SPIC: variants seen among roughly 807,000 people sequenced by gnomAD.
SPIC encodes the protein transcription factor Spi-C.
In SPIC, 9 loss-of-function variants were observed where a neutral mutation model predicts 16.7. The ratio of observed to expected loss-of-function variants is 0.54; its 90% confidence interval spans 0.33 to 0.94. The LOEUF (loss-of-function observed/expected upper bound fraction) is 0.94. SPIC is among the 40% of genes least tolerant of loss of function. The pLI is 0.03. For missense variants in SPIC, 241 were observed against 285.8 expected (o/e 0.84, Z 1.13); for synonymous variants, 97 against 102.9 (o/e 0.94, Z 0.35).
chr12:101,480,926 A>C (rs988818779), intron 4 of SPIC, among the ~76,000 whole-genome samples: 4 of 152,196 alleles, frequency 2.6e-5, no homozygotes, highest in African/African-American at 9.7e-5. Context: ...AAGATGCCCA[A>C]TATTTTGTTT....
intron 3 of SPIC, among the ~76,000 whole-genome samples, 159 bp from the exon 4 acceptor site, chr12:101,479,423 T>C (rs77526450): frequency 0.054 from 8,241 of 152,176 alleles, 262 homozygotes; most frequent in African/African-American, 0.092. Flanking sequence ...GTATCCATAA[T>C]AGCAGCATAA....
At chr12:101,478,033 C>CTTTTTTTTTTTTT (rs71091502) in intron 3 of SPIC, among the ~76,000 whole-genome samples, 2 of 137,714 alleles carry the variant, frequency 1.5e-5, no homozygotes, top group Non-Finnish European at 3.2e-5. Flanking sequence ...TTTCTTTTTT[C>CTTTTTTTTTTTTT]TTTTTTTTTT....
In SPIC at chr12:101,479,222, A is replaced by AAGAAAGAC. The variant is rs1188776253; in HGVS notation, c.98-360_98-359insAGAAAGAC. 1.3e-4 allele frequency among the ~76,000 whole-genome samples: 13 copies of AAGAAAGAC among 97,186 alleles called. 1 individual carries two copies. The highest frequency in any genetic ancestry group is 2.7e-4 in the Non-Finnish European group (12 of 44,630). 63.8% of individuals were successfully genotyped at this position (97,186 alleles called of 152,430 possible). ...AAAGAAAGAAAGAAAGAAAGAAAGAAGGAAAGAAAGAAAGAAAGAAAAAGA... is the reference window on the plus strand; with the variant it reads ...AAAGAAAGAAAGAAAGAAAGAAAGAAAGAAAGACGGAAAGAAAGAAAGAAAGAAAAAGA... On this transcript the variant is annotated intron_variant, in intron 3 of 5. Coordinates refer to ENST00000551346, the MANE Select transcript of SPIC (RefSeq NM_152323.3).
At chr12:101,481,670 T>C (rs1873202817) in intron 4 of SPIC, among the ~76,000 whole-genome samples, 2 of 151,724 alleles carry the variant, frequency 1.3e-5, no homozygotes, top group Non-Finnish European at 1.5e-5. Context: ...CCTGCCACCA[T>C]GCCCAGCTAA....
At chr12:101,477,432 C>T in intron 2 of SPIC, 126 bp from the exon 3 acceptor site, 1 of 848,672 alleles carries the variant, frequency 1.2e-6, no homozygotes, top group Non-Finnish European at 1.9e-6. Flanking sequence ...CAGAGACAGC[C>T]AACACCAAAT....
At chr12:101,476,348 C>T (rs1031329473) in intron 1 of SPIC, among the ~76,000 whole-genome samples, 2 of 152,100 alleles carry the variant, frequency 1.3e-5, no homozygotes, top group African/African-American at 4.8e-5. Flanking sequence ...ATAGTCTTCA[C>T]AGGCTAAATT....
rs1565831269 is a variant in SPIC, at chr12:101,479,278, GA to G, written c.98-301del. 2.7e-4 allele frequency among the ~76,000 whole-genome samples: 16 copies of G among 60,226 alleles called. No individual in the cohort carries two copies. In the South Asian group the frequency reaches 5.4e-3, roughly 20 times the overall value. The allele number at this position is 60,226 out of a possible 152,430, so 39.5% of individuals were successfully genotyped here. On this transcript the variant is annotated intron_variant, in intron 3 of 5. Transcript: ENST00000551346. ...AGAAGGAAGGAAAGAAAGAAAGAAA[GA>G]AAGAAAAAGAAAGAAAGAAAGAAAG...
At chr12:101,479,559 TTC>T (rs761904154) in intron 3 of SPIC, 21 bp from the exon 4 acceptor site, 164 of 1,593,378 alleles carry the variant, frequency 1.0e-4, no homozygotes, top group Non-Finnish European at 1.4e-4. Context: ...CTTTTTTAGT[TTC>T]TTTCTCTGAT....
Position 101,486,991 on chromosome 12 carries a change from T to A in SPIC, c.*220T>A, listed in dbSNP as rs1460187319. The A allele has an allele frequency of 1.8e-5, 6 of 333,154 alleles. No individual in the cohort carries two copies. In the South Asian group the frequency reaches 4.7e-4, roughly 26 times the overall value. The allele number at this position is 333,154 out of a possible 1,614,324, so 20.6% of individuals were successfully genotyped here. ...AAATTCTGCCAATGAACAACTTTTT[T>A]ATAATACTTTGTGAAGATTCAATGA... On this transcript the variant is annotated 3_prime_UTR_variant, in exon 6 of 6. Transcript: ENST00000551346.
intron 4 of SPIC, among the ~76,000 whole-genome samples, chr12:101,481,204 T>TA (rs1873185886): frequency 6.6e-6 from 1 of 151,644 alleles, no homozygotes; most frequent in Non-Finnish European, 1.5e-5. Context: ...CTTTTTTTTT[T>TA]AAGACAGGGT....
At position 101,486,731 on chromosome 12, in the gene SPIC, C is replaced by T; in HGVS notation, c.707C>T (p.Thr236Ile). 1 of 1,595,476 alleles carries T rather than the reference C, an allele frequency of 6.3e-7. No homozygotes were observed. The change falls in exon 6 of 6, where the codon ACA (threonine) becomes ATA (isoleucine). Residue 236 changes from threonine to isoleucine, a missense_variant. Physicochemically the swap from Thr to Ile is moderately conservative, Grantham distance 89. Transcript: ENST00000551346. ...LNNWNANYNY[T>I]YANYHELNHH... ...AACTGGAATGCAAATTATAATTATA[C>T]ATATGCCAATTACCATGAGCTAAAT...
intron 5 of SPIC, among the ~76,000 whole-genome samples, chr12:101,485,158 T>C (rs1873329249): frequency 1.3e-5 from 2 of 152,202 alleles, no homozygotes; most frequent in Non-Finnish European, 2.9e-5. Flanking sequence ...CAGAGACTGT[T>C]TAAAGCAGTT....
In SPIC at chr12:101,479,219, A is replaced by AGAAG. The variant is rs1234736640; in HGVS notation, c.98-359_98-356dup. 1.2e-4 allele frequency among the ~76,000 whole-genome samples: 10 copies of AGAAG among 83,362 alleles called. 1 individual carries two copies. Among genetic ancestry groups the AGAAG allele is most frequent in the African/African-American group, 3.0e-4 (8 of 26,788 alleles). The allele number at this position is 83,362 out of a possible 152,430, so 54.7% of individuals were successfully genotyped here. ...AAGAAAGAAAGAAAGAAAGAAAGAA[A>AGAAG]GAAGGAAAGAAAGAAAGAAAGAAAA... On this transcript the variant is annotated intron_variant, in intron 3 of 5. Transcript: ENST00000551346.
rs563798035 is a variant in SPIC, at chr12:101,486,404, C to A, written c.380C>A (p.Ala127Glu). Residue 127 changes from alanine to glutamate, a missense_variant, in exon 6 of 6, where the codon GCA becomes GAA. Transcript: ENST00000551346. ...GAATCCCTGTATAATCCGGAGATGG[C>A]ATCTTGTATTCAGTGGGTAGATAAA... ...LHESLYNPEMASCIQWVDKTK... is the reference protein window; with the variant it reads ...LHESLYNPEMESCIQWVDKTK... 5 of 1,614,022 alleles carry A rather than the reference C, an allele frequency of 3.1e-6. No homozygotes were observed. The South Asian group carries it at 4.4e-5, about 14-fold the overall frequency.
At position 101,486,840 on chromosome 12, in the gene SPIC, C is replaced by G; in HGVS notation, c.*69C>G. On this transcript the variant is annotated 3_prime_UTR_variant, in exon 6 of 6. Coordinates refer to ENST00000551346, the MANE Select transcript of SPIC (RefSeq NM_152323.3). ...ACAAGTTTTAATGATTTCTCCCTCCCTCTCTTTTTTTCCTCCTCTGAAGAA... is the reference window on the plus strand; with the variant it reads ...ACAAGTTTTAATGATTTCTCCCTCCGTCTCTTTTTTTCCTCCTCTGAAGAA... 1.5e-6 allele frequency: 2 copies of G among 1,325,456 alleles called. No homozygotes were observed. The highest frequency in any genetic ancestry group is 4.7e-5 in the East Asian group (2 of 42,298). 82.1% of individuals were successfully genotyped at this position (1,325,456 alleles called of 1,614,324 possible). A position where few individuals can be genotyped will look rare whatever the true frequency, so the allele number is the denominator to read the frequency against.
rs3084612 is a variant in SPIC, at chr12:101,479,300, G to GAAA, written c.98-281_98-279dup. ...AAAGAAAGAAAAAGAAAGAAAGAAA[G>GAAA]AAAGAAAAAAGAAAGAAAGAAAGAA... On this transcript the variant is annotated intron_variant, in intron 3 of 5. Transcript: ENST00000551346. 1.2e-3 allele frequency among the ~76,000 whole-genome samples: 95 copies of GAAA among 76,876 alleles called. 3 individuals carry two copies. Among genetic ancestry groups the GAAA allele is most frequent in the Admixed American group, 6.1e-3 (46 of 7,558 alleles). The allele number at this position is 76,876 out of a possible 152,430, so 50.4% of individuals were successfully genotyped here. A position where few individuals can be genotyped will look rare whatever the true frequency, so the allele number is the denominator to read the frequency against.
chr12:101,479,331 G>GAAAGAAAGAAAGA (rs1873111207), intron 3 of SPIC, among the ~76,000 whole-genome samples: 1 of 147,030 alleles, frequency 6.8e-6, no homozygotes, highest in Non-Finnish European at 1.5e-5. Flanking sequence ...AAGAAAGAAA[G>GAAAGAAAGAAAGA]AAAGAAAGAA....
chr12:101,485,156 G>A (rs1873329185), intron 5 of SPIC, among the ~76,000 whole-genome samples: 1 of 152,224 alleles, frequency 6.6e-6, no homozygotes, highest in Non-Finnish European at 1.5e-5. Flanking sequence ...CCCAGAGACT[G>A]TTTAAAGCAG....
intron 3 of SPIC, among the ~76,000 whole-genome samples, chr12:101,479,261 G>GAAAAAA (rs1873090060): frequency 2.1e-5 from 1 of 46,850 alleles, no homozygotes; most frequent in Non-Finnish European, 5.6e-5. Context: ...AAAGAAGGAA[G>GAAAAAA]GAAAGAAAGA....
Sources: allele counts gnomAD v4.1 joint callset (sites outside exome capture counted in the v4.1 genomes callset), GRCh38; gene constraint gnomAD v4.1.1; transcripts MANE v1.5; gene names NCBI Gene and HGNC (gene_info 2026-07-23, HGNC 2026-07-21).